The following AGPAT4 variants were observed in gnomAD, a reference collection of about 807,000 sequenced individuals.
AGPAT4 encodes the protein 1-acyl-sn-glycerol-3-phosphate acyltransferase delta.
Under a neutral mutation model 48.0 loss-of-function variants are expected in AGPAT4, and 15 were observed. That is an observed-to-expected ratio of 0.31 (90% CI 0.21 to 0.48). The LOEUF (loss-of-function observed/expected upper bound fraction) is 0.48, where lower values mean the gene tolerates loss of function less well. Ranked by LOEUF, AGPAT4 falls within the 20% of genes least tolerant of loss-of-function variation. The pLI is 0.99. For synonymous variants in AGPAT4, 178 were observed against 198.7 expected, an observed-to-expected ratio of 0.90 and a Z score of 0.88; for missense variants, 314 against 482.5, an observed-to-expected ratio of 0.65 and a Z score of 3.27.
In AGPAT4 at chr6:161,195,907, G is replaced by T. The variant is rs1781054401; in HGVS notation, c.179-29490C>A. Among the ~76,000 whole-genome samples the T allele has an allele frequency of 6.6e-6, 1 of 152,146 alleles. No homozygotes were observed. Among genetic ancestry groups the T allele is most frequent in the South Asian group, 2.1e-4 (1 of 4,832 alleles). On this transcript the variant is annotated intron_variant, in intron 2 of 8. Coordinates refer to ENST00000320285, the MANE Select transcript of AGPAT4 (RefSeq NM_020133.3). This position sits in a 1 kb window ranked among gnomAD's most constrained non-coding sequence, Gnocchi z 5.0. Reference sequence around the variant, plus strand: ...TTGAATGTGAATGTTCTCAAGGTCCGCTCCGATCCTATCTTTTCCCAAAGC... The same window carrying T: ...TTGAATGTGAATGTTCTCAAGGTCCTCTCCGATCCTATCTTTTCCCAAAGC...
rs946621493 is a variant in AGPAT4 at position 161,139,261 on chromosome 6, C to T, written c.1042+161G>A. Among the ~76,000 whole-genome samples, 6 of 152,182 alleles carry T rather than the reference C, an allele frequency of 3.9e-5. No homozygotes were observed. Among genetic ancestry groups the T allele is most frequent in the Non-Finnish European group, 5.9e-5 (4 of 68,036 alleles). ...TCCCAGGCCTGGTATTCGAGGGCCTCGCACTCATCCTGAAGTCTAATCTTT... is the reference window on the plus strand; with the variant it reads ...TCCCAGGCCTGGTATTCGAGGGCCTTGCACTCATCCTGAAGTCTAATCTTT... On this transcript the variant is annotated intron_variant, in intron 8 of 8. Transcript: ENST00000320285. The surrounding 1 kb of genome is among the most constrained non-coding windows in gnomAD (Gnocchi z 9.1).
At position 161,254,941 on chromosome 6, in the gene AGPAT4, C is replaced by A. The variant is rs1234427464; in HGVS notation, c.-90+18997G>T. Reference sequence around the variant, plus strand: ...AGCGCCTGGGCTCACAAAAGCCAGCCCTGACTTCGCGAAGAAAAAGCCTCA... The same window carrying A: ...AGCGCCTGGGCTCACAAAAGCCAGCACTGACTTCGCGAAGAAAAAGCCTCA... On this transcript the variant is annotated intron_variant, in intron 1 of 8. Transcript: ENST00000320285. This position sits in a 1 kb window ranked among gnomAD's most constrained non-coding sequence, Gnocchi z 5.9. Among the ~76,000 whole-genome samples the A allele has an allele frequency of 6.6e-6, 1 of 152,158 alleles. No individual in the cohort carries two copies. Among genetic ancestry groups the A allele is most frequent in the East Asian group, 1.9e-4 (1 of 5,196 alleles).
At chr6:161,207,442 G>A (rs1197174014) in intron 2 of AGPAT4, among the ~76,000 whole-genome samples, 1 of 152,186 alleles carries the variant, frequency 6.6e-6, no homozygotes, top group African/African-American at 2.4e-5. Flanking sequence ...CTGTGAAGAT[G>A]CTATAAAGCT....
Position 161,196,733 on chromosome 6 carries a change from T to TGGGAGGCGGAGATTGCA in AGPAT4, c.179-30333_179-30317dup, listed in dbSNP as rs1340918527. Among the ~76,000 whole-genome samples, 2 of 148,944 alleles carry TGGGAGGCGGAGATTGCA rather than the reference T, an allele frequency of 1.3e-5. No homozygotes were observed. The highest frequency in any genetic ancestry group is 5.0e-5 in the African/African-American group (2 of 40,070). On this transcript the variant is annotated intron_variant, in intron 2 of 8. Transcript: ENST00000320285. The surrounding 1 kb of genome is among the most constrained non-coding windows in gnomAD (Gnocchi z 4.3). Reference sequence around the variant, plus strand: ...CTGAGGCAGGAGAATCGCTTGAACCTGGGAGGCGGAGATTGCAGTGAGCCG... The same window carrying TGGGAGGCGGAGATTGCA: ...CTGAGGCAGGAGAATCGCTTGAACCTGGGAGGCGGAGATTGCAGGGAGGCGGAGATTGCAGTGAGCCG...
chr6:161,187,893 G>T (rs1446479308), intron 2 of AGPAT4, among the ~76,000 whole-genome samples: 2 of 151,954 alleles, frequency 1.3e-5, no homozygotes, highest in Non-Finnish European at 2.9e-5. Flanking sequence ...AACTTGTTTA[G>T]GAATATTTAA....
chr6:161,143,600 C>T lies in AGPAT4; in HGVS notation c.843+2924G>A, dbSNP rs550368701. 1.6e-4 allele frequency among the ~76,000 whole-genome samples: 25 copies of T among 152,322 alleles called. 1 individual carries two copies. In the South Asian group the frequency reaches 5.2e-3, roughly 32 times the overall value. ...GCCTCAGAGCGAGTTTACCTGGGAACTGCTTTTGTCCACAGAAGATCACAC... is the reference window on the plus strand; with the variant it reads ...GCCTCAGAGCGAGTTTACCTGGGAATTGCTTTTGTCCACAGAAGATCACAC... On this transcript the variant is annotated intron_variant, in intron 7 of 8. Coordinates refer to ENST00000320285, the MANE Select transcript of AGPAT4 (RefSeq NM_020133.3). The surrounding 1 kb of genome is among the most constrained non-coding windows in gnomAD (Gnocchi z 4.7).
rs757450338 is a variant in AGPAT4 at position 161,153,348 on chromosome 6, A to G, written c.662T>C (p.Val221Ala). ...FAITVRSLRN[V>A]VSAVYDCTLN... ...CAGGGCCACGCACTCTTCCTTACCT[A>G]CATTTCTCAAGCTCCTCACGGTGAT... Residue 221 changes from valine (V) to alanine (A), a missense_variant and splice_region_variant, in exon 5 of 9, where the codon GTA (valine) becomes GCA (alanine). Transcript: ENST00000320285. The G allele has an allele frequency of 6.2e-7, 1 of 1,606,694 alleles. No homozygotes were observed. Among genetic ancestry groups the G allele is most frequent in the African/African-American group, 1.3e-5 (1 of 74,910 alleles).
In AGPAT4 at chr6:161,215,378, T is replaced by C. The variant is rs775888582; in HGVS notation, c.178+16658A>G. 6.6e-6 allele frequency among the ~76,000 whole-genome samples: 1 copy of C among 152,172 alleles called. No individual in the cohort carries two copies. Among genetic ancestry groups the C allele is most frequent in the Non-Finnish European group, 1.5e-5 (1 of 68,022 alleles). ...GGTTTTTGAGGCCATGGCTCATTCC[T>C]TCTCTGCCATTTCCCATACTCTTGG... is the stretch of plus-strand genomic sequence containing the variant. On this transcript the variant is annotated intron_variant, in intron 2 of 8. Coordinates refer to ENST00000320285, the MANE Select transcript of AGPAT4 (RefSeq NM_020133.3). This position sits in a 1 kb window ranked among gnomAD's most constrained non-coding sequence, Gnocchi z 4.5.
Position 161,131,236 on chromosome 6 carries a change from G to C in AGPAT4, c.*5304C>G, listed in dbSNP as rs1368659141. The C allele has an allele frequency of 4.8e-6, 1 of 210,452 alleles. No homozygotes were observed. The highest frequency in any genetic ancestry group is 2.3e-5 in the African/African-American group (1 of 43,692). 13.0% of individuals were successfully genotyped at this position (210,452 alleles called of 1,614,324 possible). ...AACACAGCCCTGGGTGCTATTTCCA[G>C]ATACTGAAAAGATCTAAGTAGGTGC... On this transcript the variant is annotated 3_prime_UTR_variant, in exon 9 of 9. Coordinates refer to ENST00000320285, the MANE Select transcript of AGPAT4 (RefSeq NM_020133.3).
Position 161,208,299 on chromosome 6 carries a change from G to C in AGPAT4, c.178+23737C>G, listed in dbSNP as rs934260360. ...GAGACTCTCTCCAGATGCGCCCTCT[G>C]TGGAACTTCCCTAACAATGTGCTCT... On this transcript the variant is annotated intron_variant, in intron 2 of 8. Transcript: ENST00000320285. This position sits in a 1 kb window ranked among gnomAD's most constrained non-coding sequence, Gnocchi z 4.6. Among the ~76,000 whole-genome samples the C allele has an allele frequency of 6.6e-6, 1 of 152,170 alleles. No homozygotes were observed. The highest frequency in any genetic ancestry group is 2.4e-5 in the African/African-American group (1 of 41,436).
intron 3 of AGPAT4, among the ~76,000 whole-genome samples, chr6:161,156,909 T>C (rs1223068055): frequency 1.3e-5 from 2 of 152,260 alleles, no homozygotes; most frequent in Non-Finnish European, 2.9e-5. Flanking sequence ...ATTCCTTTAA[T>C]TCACCCCATC....
rs1478517216 is a variant in AGPAT4, at chr6:161,219,777, T to G, written c.178+12259A>C. ...TAAATTCCCTATTTAAAACGTAAGG[T>G]CATTTCTTGTACCAGGGACACAGAT... On this transcript the variant is annotated intron_variant, in intron 2 of 8. Transcript: ENST00000320285. This position sits in a 1 kb window ranked among gnomAD's most constrained non-coding sequence, Gnocchi z 4.9. Among the ~76,000 whole-genome samples the G allele has an allele frequency of 6.6e-6, 1 of 151,178 alleles. No individual in the cohort carries two copies.
rs111278687 is a variant in AGPAT4, at chr6:161,139,284, T to C, written c.1042+138A>G. On this transcript the variant is annotated intron_variant, in intron 8 of 8. Transcript: ENST00000320285. This position sits in a 1 kb window ranked among gnomAD's most constrained non-coding sequence, Gnocchi z 9.1. ...CTCGCACTCATCCTGAAGTCTAATC[T>C]TTCCCTGTGATTGCAAGCTGAGCCT... The C allele has an allele frequency of 9.9e-6, 10 of 1,013,784 alleles. No homozygotes were observed. In the African/African-American group the frequency reaches 1.1e-4, roughly 11 times the overall value. The allele number at this position is 1,013,784 out of a possible 1,614,324, so 62.8% of individuals were successfully genotyped here. A position where few individuals can be genotyped will look rare whatever the true frequency, so the allele number is the denominator to read the frequency against.
chr6:161,270,465 A>T lies in AGPAT4; in HGVS notation c.-90+3473T>A, dbSNP rs1189568459. Among the ~76,000 whole-genome samples the T allele has an allele frequency of 6.6e-6, 1 of 152,162 alleles. No individual in the cohort carries two copies. The highest frequency in any genetic ancestry group is 2.4e-5 in the African/African-American group (1 of 41,432). On this transcript the variant is annotated intron_variant, in intron 1 of 8. Coordinates refer to ENST00000320285, the MANE Select transcript of AGPAT4 (RefSeq NM_020133.3). This position sits in a 1 kb window ranked among gnomAD's most constrained non-coding sequence, Gnocchi z 5.3. ...TTCACCAAAGATTTAGAGGTCAAACACCATTCAGAAATGTGAATGTGGGCC... is the reference window on the plus strand; with the variant it reads ...TTCACCAAAGATTTAGAGGTCAAACTCCATTCAGAAATGTGAATGTGGGCC...
rs1258144083 is a variant in AGPAT4 at position 161,222,741 on chromosome 6, C to G, written c.178+9295G>C. Among the ~76,000 whole-genome samples, 1 of 152,162 alleles carries G rather than the reference C, an allele frequency of 6.6e-6. No homozygotes were observed. The highest frequency in any genetic ancestry group is 1.5e-5 in the Non-Finnish European group (1 of 68,024). ...CATCTAGTGAGAGGGTCAATGGCTGCAAGTTGCTGCTAGGCGCTACTGTAT... is the reference window on the plus strand; with the variant it reads ...CATCTAGTGAGAGGGTCAATGGCTGGAAGTTGCTGCTAGGCGCTACTGTAT... On this transcript the variant is annotated intron_variant, in intron 2 of 8. Coordinates refer to ENST00000320285, the MANE Select transcript of AGPAT4 (RefSeq NM_020133.3). The surrounding 1 kb of genome is among the most constrained non-coding windows in gnomAD (Gnocchi z 5.9).
intron 2 of AGPAT4, among the ~76,000 whole-genome samples, chr6:161,207,395 T>C (rs555301159): frequency 6.6e-6 from 1 of 152,344 alleles, no homozygotes; most frequent in Admixed American, 6.5e-5. Flanking sequence ...TCCAGGCTTT[T>C]TTGGGTACCA....
rs768928549 is a variant in AGPAT4 at position 161,189,969 on chromosome 6, T to G, written c.179-23552A>C. 1.8e-4 allele frequency among the ~76,000 whole-genome samples: 27 copies of G among 152,202 alleles called. No homozygotes were observed. Among genetic ancestry groups the G allele is most frequent in the Non-Finnish European group, 3.2e-4 (22 of 68,034 alleles). ...GTTTAATTGGAGCATTTCTTTTCCT[T>G]TCTTAGAGATGCATAATAAATATGC... On this transcript the variant is annotated intron_variant, in intron 2 of 8. Coordinates refer to ENST00000320285, the MANE Select transcript of AGPAT4 (RefSeq NM_020133.3). This position sits in a 1 kb window ranked among gnomAD's most constrained non-coding sequence, Gnocchi z 5.3.
chr6:161,146,663 G>A lies in AGPAT4; in HGVS notation c.768-64C>T, dbSNP rs41268553. The A allele has an allele frequency of 6.6e-7, 1 of 1,507,080 alleles. No homozygotes were observed. Among genetic ancestry groups the A allele is most frequent in the Non-Finnish European group, 9.2e-7 (1 of 1,085,892 alleles). 93.4% of individuals were successfully genotyped at this position (1,507,080 alleles called of 1,614,324 possible). A position where few individuals can be genotyped will look rare whatever the true frequency, so the allele number is the denominator to read the frequency against. On this transcript the variant is annotated intron_variant, in intron 6 of 8. Transcript: ENST00000320285. This position sits in a 1 kb window ranked among gnomAD's most constrained non-coding sequence, Gnocchi z 7.1. Reference sequence around the variant, plus strand: ...GCCCCCCTACAACATACAGTTTCCAGTAACGGTGCTGCCGTTTTTTGTTTT... The same window carrying A: ...GCCCCCCTACAACATACAGTTTCCAATAACGGTGCTGCCGTTTTTTGTTTT...
intron 1 of AGPAT4, among the ~76,000 whole-genome samples, chr6:161,258,202 A>G (rs1219442710): frequency 3.9e-5 from 6 of 152,240 alleles, no homozygotes; most frequent in Admixed American, 3.9e-4. Context: ...GTGGCAGTTC[A>G]GAGATGAAAA....
Sources: gnomAD v4.1 joint callset for allele counts (sites outside exome capture counted in the v4.1 genomes callset) on GRCh38, gnomAD v4.1.1 for gene constraint, Gnocchi (gnomAD v3.1) non-coding constraint, MANE v1.5 for transcripts, NCBI Gene and HGNC (gene_info 2026-07-23, HGNC 2026-07-21) for gene names.